WARS1: variants seen among roughly 807,000 people sequenced by gnomAD.
WARS1 encodes the protein tryptophan--tRNA ligase, cytoplasmic.
WARS1 carries 17 observed loss-of-function variants against 47.8 expected under a neutral mutation model. That is an observed-to-expected ratio of 0.36 (90% CI 0.24 to 0.53). The LOEUF is 0.53. Ranked by LOEUF, WARS1 falls within the 20% of genes least tolerant of loss-of-function variation. The pLI, the probability that WARS1 is intolerant of heterozygous loss-of-function variation, is 0.91. For missense variants in WARS1, 434 were observed against 608.0 expected (o/e 0.71, Z 3.01); for synonymous variants, 208 against 228.1 (o/e 0.91, Z 0.79).
intron 4 of WARS1, among the ~76,000 whole-genome samples, chr14:100,358,644 C>T (rs1380615100): frequency 6.6e-6 from 1 of 152,102 alleles, no homozygotes; most frequent in Non-Finnish European, 1.5e-5. Context: ...AGATATGACA[C>T]CAAAAACACA....
In WARS1 at chr14:100,366,994, G is replaced by A. The variant is rs183055661; in HGVS notation, c.99+2093C>T. ...AAGATTTCTTCACTGTAGCCTACTC[G>A]TCTGGTTTGTCCCTTACAGAATATT... is the stretch of plus-strand genomic sequence containing the variant. On this transcript the variant is annotated intron_variant, in intron 2 of 10. Transcript: ENST00000392882. The A allele has an allele frequency of 4.7e-4, 549 of 1,167,830 alleles. 3 individuals are homozygous for A. The African/African-American group carries it at 7.5e-3, about 16-fold the overall frequency. 72.3% of individuals were successfully genotyped at this position (1,167,830 alleles called of 1,614,324 possible).
At chr14:100,346,543 C>T (rs555256600) in intron 7 of WARS1, among the ~76,000 whole-genome samples, 4 of 152,324 alleles carry the variant, frequency 2.6e-5, no homozygotes, top group African/African-American at 9.6e-5. Flanking sequence ...TCACCCAACC[C>T]AGAGAAGCTG....
chr14:100,371,174 G>A (rs1896323131), intron 1 of WARS1, among the ~76,000 whole-genome samples: 1 of 152,138 alleles, frequency 6.6e-6, no homozygotes, highest in Non-Finnish European at 1.5e-5. Flanking sequence ...TTGGCTGGGT[G>A]TGGTGGCTCA....
intron 2 of WARS1, chr14:100,365,581 A>G (rs1595456138): frequency 2.6e-5 from 1 of 37,920 alleles, no homozygotes; most frequent in East Asian, 2.0e-3. Context: ...CTCAGCCTCA[A>G]AAAAAAAAAA....
chr14:100,362,797 A>G (rs1826087035), intron 2 of WARS1, among the ~76,000 whole-genome samples: 1 of 152,244 alleles, frequency 6.6e-6, no homozygotes, highest in South Asian at 2.1e-4. Context: ...TATACAGAAC[A>G]TTCTTTCTTT....
intron 6 of WARS1, among the ~76,000 whole-genome samples, chr14:100,351,163 CT>C (rs1180235402): frequency 3.9e-5 from 6 of 152,164 alleles, no homozygotes; most frequent in Admixed American, 6.5e-5. Context: ...GAGATTAGCT[CT>C]GAGTTTTAGG....
At position 100,334,937 on chromosome 14, in the gene WARS1, C is replaced by G. The variant is rs764466208; in HGVS notation, c.1354G>C (p.Val452Leu). Reference protein sequence around the residue: ...IAEHQARRKEVTDEIVKEFMT... With the variant: ...IAEHQARRKELTDEIVKEFMT... The stretch of plus-strand genomic sequence containing the variant: ...AACTCTTTCACTATCTCATCCGTGA[C>G]CTCCTTGCGCCGGGCCTGGTGCTCT... The change falls in exon 11 of 11, where the codon GTC becomes CTC. Residue 452 changes from valine to leucine, a missense_variant. Val to Leu is a conservative substitution (Grantham distance 32, BLOSUM62 1). Coordinates refer to ENST00000392882, the MANE Select transcript of WARS1 (RefSeq NM_004184.4). The G allele has an allele frequency of 4.3e-6, 7 of 1,614,212 alleles. No homozygotes were observed. The highest frequency in any genetic ancestry group is 5.9e-6 in the Non-Finnish European group (7 of 1,180,038).
chr14:100,346,860 G>A lies in WARS1; in HGVS notation c.726-14C>T, dbSNP rs532607499. The stretch of plus-strand genomic sequence containing the variant: ...CCTGAGCTCATCCTGCAAAGACAAC[G>A]AGAATGAAATCCCAAACGGAGGGCG... On this transcript the variant is annotated splice_polypyrimidine_tract_variant and intron_variant, in intron 6 of 10. Coordinates refer to ENST00000392882, the MANE Select transcript of WARS1 (RefSeq NM_004184.4). The A allele has an allele frequency of 3.1e-4, 491 of 1,608,370 alleles. 2 individuals are homozygous for A. The South Asian group carries it at 4.8e-3, about 16-fold the overall frequency.
intron 2 of WARS1, among the ~76,000 whole-genome samples, chr14:100,362,191 G>A (rs1242416340): frequency 1.3e-5 from 2 of 152,164 alleles, no homozygotes; most frequent in African/African-American, 4.8e-5. Context: ...GTGCTACCAT[G>A]AACACTTTGG....
At chr14:100,364,952 TC>T (rs1895865985) in intron 2 of WARS1, among the ~76,000 whole-genome samples, 1 of 152,158 alleles carries the variant, frequency 6.6e-6, no homozygotes. Context: ...GACATTACTT[TC>T]TTTCAGTACT....
rs577153672 is a variant in WARS1, at chr14:100,373,659, C to T, written c.-74+1624G>A. Among the ~76,000 whole-genome samples, 164 of 152,300 alleles carry T rather than the reference C, an allele frequency of 1.1e-3. No homozygotes were observed. Among genetic ancestry groups the T allele is most frequent in the Non-Finnish European group, 1.6e-3 (112 of 68,022 alleles). On this transcript the variant is annotated intron_variant, in intron 1 of 10. Transcript: ENST00000392882. This position sits in a 1 kb window ranked among gnomAD's most constrained non-coding sequence, Gnocchi z 4.4. ...TTTGCTAGAGGATCAGCTAGATAAACAGGACTTGCATTTAGGGTCCATGTT... is the reference window on the plus strand; with the variant it reads ...TTTGCTAGAGGATCAGCTAGATAAATAGGACTTGCATTTAGGGTCCATGTT...
intron 10 of WARS1, among the ~76,000 whole-genome samples, chr14:100,336,275 CA>C (rs56343247): frequency 3.2e-4 from 36 of 113,944 alleles, no homozygotes; most frequent in African/African-American, 4.5e-4. Context: ...GACTCTGTCT[CA>C]AAAAAAAAAA....
At chr14:100,335,267 G>A (rs143454991) in intron 10 of WARS1, among the ~76,000 whole-genome samples, 133 of 152,364 alleles carry the variant, frequency 8.7e-4, no homozygotes, top group Non-Finnish European at 1.6e-3. Context: ...GCCTCTCACA[G>A]TGAAAGGGCC....
At chr14:100,344,855 CGCCT>C (rs1339031091) in intron 7 of WARS1, among the ~76,000 whole-genome samples, 1 of 151,568 alleles carries the variant, frequency 6.6e-6, no homozygotes, top group Non-Finnish European at 1.5e-5. Flanking sequence ...GGCAACCGCC[CGCCT>C]GAGAAGTGAG....
chr14:100,374,878 T>C (rs546165088), intron 1 of WARS1: 4 of 152,222 alleles, frequency 2.6e-5, no homozygotes, highest in Non-Finnish European at 2.9e-5. Flanking sequence ...TTTTAAACAC[T>C]AAAAGAAAGA....
Position 100,334,816 on chromosome 14 carries a change from G to A in WARS1, c.*59C>T. On this transcript the variant is annotated 3_prime_UTR_variant, in exon 11 of 11. Coordinates refer to ENST00000392882, the MANE Select transcript of WARS1 (RefSeq NM_004184.4). ...CAGGTGGCGGTGCTTTGACTGGGCTGGGATTATTGATACATTACTGATACA... is the reference window on the plus strand; with the variant it reads ...CAGGTGGCGGTGCTTTGACTGGGCTAGGATTATTGATACATTACTGATACA... 1.3e-6 allele frequency: 2 copies of A among 1,583,836 alleles called. No homozygotes were observed. The highest frequency in any genetic ancestry group is 8.6e-7 in the Non-Finnish European group (1 of 1,160,608).
chr14:100,346,914 T>C, intron 6 of WARS1, 68 bp from the exon 7 acceptor site: 1 of 1,418,796 alleles, frequency 7.0e-7, no homozygotes, highest in Middle Eastern at 1.8e-4. Context: ...GTCACAGTTA[T>C]TAAAATTGGA....
chr14:100,340,339 C>T (rs983083273), intron 9 of WARS1: 1 of 152,314 alleles, frequency 6.6e-6, no homozygotes, highest in Non-Finnish European at 1.5e-5. Context: ...CAGTGTGACT[C>T]TGTGTGACAG....
chr14:100,339,363 G>A (rs1220999078), intron 9 of WARS1, among the ~76,000 whole-genome samples: 14 of 152,066 alleles, frequency 9.2e-5, no homozygotes, highest in African/African-American at 1.9e-4. Flanking sequence ...AGGCCAAGGC[G>A]GGCAGATTAC....
Sources: allele counts gnomAD v4.1 joint callset (sites outside exome capture counted in the v4.1 genomes callset), GRCh38; gene constraint gnomAD v4.1.1; non-coding constraint Gnocchi (gnomAD v3.1); transcripts MANE v1.5; gene names NCBI Gene and HGNC (gene_info 2026-07-23, HGNC 2026-07-21).